The following TDRD12 variants were observed in gnomAD, a reference collection of about 807,000 sequenced individuals.
The protein encoded by TDRD12 is tudor domain containing 12, also known as putative ATP-dependent RNA helicase TDRD12.
A neutral mutation model predicts 133.5 loss-of-function variants in TDRD12; 158 were observed. That is an observed-to-expected ratio of 1.18 (90% CI 1.04 to 1.35). The LOEUF is 1.35. TDRD12 is among the 40% of genes most tolerant of loss of function. The pLI, the probability that TDRD12 is intolerant of heterozygous loss-of-function variation, is 0.00. For synonymous variants in TDRD12, 460 were observed against 477.9 expected (o/e 0.96, Z 0.49); for missense variants, 1,443 against 1,321.3 (o/e 1.09, Z -1.43).
Position 32,803,086 on chromosome 19 carries a change from A to ATT in TDRD12, c.2496_2497insTT (p.Asp833LeufsTer13). On this transcript the variant is annotated frameshift_variant, in exon 21 of 28. Transcript: ENST00000444215. LOFTEE classifies it high-confidence loss of function. ...CCGCAGGAGTTCTGGAAGCCAAAGA[A>ATT]GATAAGAAAGCCGGAAGGCCTCTTT... 1 of 1,535,700 alleles carries ATT rather than the reference A, an allele frequency of 6.5e-7. No individual in the cohort carries two copies. The highest frequency in any genetic ancestry group is 8.7e-7 in the Non-Finnish European group (1 of 1,146,840).
chr19:32,747,104 C>T (rs1220819917), intron 4 of TDRD12, among the ~76,000 whole-genome samples: 1 of 145,672 alleles, frequency 6.9e-6, no homozygotes, highest in Non-Finnish European at 1.5e-5. Flanking sequence ...TGGGGTTATT[C>T]TGTGTGTGTG....
chr19:32,801,890 C>A lies in TDRD12; in HGVS notation c.2197+17C>A. 2.0e-6 allele frequency: 2 copies of A among 993,614 alleles called. No homozygotes were observed. The highest frequency in any genetic ancestry group is 1.8e-5 in the South Asian group (1 of 54,936). The allele number at this position is 993,614 out of a possible 1,614,324, so 61.5% of individuals were successfully genotyped here. A position where few individuals can be genotyped will look rare whatever the true frequency, so the allele number is the denominator to read the frequency against. On this transcript the variant is annotated intron_variant, in intron 19 of 27. Transcript: ENST00000444215. ...TTATATTAGGTAAGTGTTTTAATTTCTACTTCTATTTAGTGAAGGTTGAGC... is the reference window on the plus strand; with the variant it reads ...TTATATTAGGTAAGTGTTTTAATTTATACTTCTATTTAGTGAAGGTTGAGC...
intron 9 of TDRD12, 98 bp downstream of exon 9, chr19:32,772,948 C>G (rs1321577333): frequency 1.6e-6 from 1 of 627,458 alleles, no homozygotes; most frequent in Admixed American, 4.1e-5. Flanking sequence ...AATATGTTTT[C>G]TATTAAAAAA....
intron 8 of TDRD12, among the ~76,000 whole-genome samples, chr19:32,761,436 A>G (rs552236783): frequency 1.3e-5 from 2 of 152,054 alleles, no homozygotes; most frequent in South Asian, 2.1e-4. Context: ...GGCCGAGAAC[A>G]CATTTCTTTA....
At chr19:32,748,593 C>T (rs1969727637) in intron 5 of TDRD12, 62 bp downstream of exon 5, 2 of 1,493,082 alleles carry the variant, frequency 1.3e-6, no homozygotes, top group South Asian at 2.5e-5. Flanking sequence ...GCCTCAGCTT[C>T]TGCTGCTGGC....
chr19:32,754,844 A>C (rs1969946652), intron 6 of TDRD12, among the ~76,000 whole-genome samples: 1 of 151,874 alleles, frequency 6.6e-6, no homozygotes, highest in African/African-American at 2.4e-5. Flanking sequence ...CGCCGGGCTA[A>C]TTTTGTATTT....
intron 11 of TDRD12, among the ~76,000 whole-genome samples, chr19:32,782,590 A>G (rs922586471): frequency 2.0e-5 from 3 of 152,190 alleles, no homozygotes; most frequent in African/African-American, 7.2e-5. Context: ...CCAACAGTAT[A>G]AAAGCATTCC....
At chr19:32,768,167 T>G (rs984810146) in intron 8 of TDRD12, among the ~76,000 whole-genome samples, 2 of 152,112 alleles carry the variant, frequency 1.3e-5, no homozygotes, top group African/African-American at 4.8e-5. Flanking sequence ...ATTTACCAGC[T>G]GGTGCTTTGC....
chr19:32,729,911 C>T (rs2145428963), intron 1 of TDRD12, among the ~76,000 whole-genome samples: 1 of 150,880 alleles, frequency 6.6e-6, no homozygotes, highest in East Asian at 2.0e-4. Context: ...CTGCCTCAGC[C>T]TCCCGAGTAG....
At chr19:32,777,859 T>TATATA (rs1970652103) in intron 11 of TDRD12, among the ~76,000 whole-genome samples, 1 of 22,072 alleles carries the variant, frequency 4.5e-5, no homozygotes, top group Non-Finnish European at 7.5e-5. Flanking sequence ...ATATATATAT[T>TATATA]TTTTTTTTTT....
At chr19:32,746,961 T>C (rs1280145266) in intron 4 of TDRD12, among the ~76,000 whole-genome samples, 1 of 142,016 alleles carries the variant, frequency 7.0e-6, no homozygotes, top group Non-Finnish European at 1.5e-5. Flanking sequence ...GGGGAGAGAC[T>C]GGCTGAGGTG....
intron 1 of TDRD12, among the ~76,000 whole-genome samples, chr19:32,721,007 G>A (rs918378487): frequency 6.6e-6 from 1 of 151,954 alleles, no homozygotes; most frequent in East Asian, 2.0e-4. Flanking sequence ...CCCGCTCTCC[G>A]TACTCCACGG....
exon 3 of TDRD12, chr19:32,738,988 A>G (rs1332835106): frequency 6.5e-7 from 1 of 1,550,282 alleles, no homozygotes; most frequent in Non-Finnish European, 8.7e-7. Flanking sequence ...AGTCAAATCT[A>G]AAAAGTATGT....
intron 11 of TDRD12, among the ~76,000 whole-genome samples, chr19:32,786,972 C>T (rs1182785347): frequency 2.0e-5 from 3 of 152,112 alleles, no homozygotes; most frequent in Non-Finnish European, 2.9e-5. Context: ...CTGTTGCTGG[C>T]GAGGAGTTGT....
At chr19:32,721,262 A>G (rs867113795) in intron 1 of TDRD12, among the ~76,000 whole-genome samples, 3 of 152,222 alleles carry the variant, frequency 2.0e-5, no homozygotes, top group Non-Finnish European at 4.4e-5. Context: ...TTGACAGGCC[A>G]GAGCAGAGGG....
chr19:32,802,596 C>G, intron 19 of TDRD12, 60 bp from the exon 20 acceptor site: 2 of 1,507,388 alleles, frequency 1.3e-6, no homozygotes, highest in Non-Finnish European at 1.8e-6. Context: ...TGGGAACTGC[C>G]GGTTAAAGTA....
At chr19:32,771,063 C>T (rs1970430270) in intron 8 of TDRD12, among the ~76,000 whole-genome samples, 1 of 152,142 alleles carries the variant, frequency 6.6e-6, no homozygotes, top group South Asian at 2.1e-4. Flanking sequence ...CTGGCATCTG[C>T]TTATGGTGAG....
exon 10 of TDRD12, chr19:32,828,010 G>A (rs1967648139): frequency 6.6e-6 from 1 of 152,102 alleles, no homozygotes; most frequent in African/African-American, 2.4e-5. Context: ...GGTTTCTAAT[G>A]TACACACTTA....
At chr19:32,807,977 A>C (rs1369421151) in intron 22 of TDRD12, among the ~76,000 whole-genome samples, 5 of 152,160 alleles carry the variant, frequency 3.3e-5, no homozygotes, top group Non-Finnish European at 5.9e-5. Flanking sequence ...TAATCTCATC[A>C]TTTTGGGAGA....
Sources: allele counts gnomAD v4.1 joint callset (sites outside exome capture counted in the v4.1 genomes callset), GRCh38; gene constraint gnomAD v4.1.1; transcripts MANE v1.5; gene names NCBI Gene and HGNC (gene_info 2026-07-23, HGNC 2026-07-21).